FNBP1L: variants seen among roughly 807,000 people sequenced by gnomAD.
FNBP1L encodes formin-binding protein 1-like.
FNBP1L carries 36 observed loss-of-function variants against 91.2 expected under a neutral mutation model. The observed-to-expected ratio is 0.39, with a 90% CI of 0.30 to 0.52. The LOEUF (loss-of-function observed/expected upper bound fraction) is 0.52, where lower values mean the gene tolerates loss of function less well. Ranked by LOEUF, FNBP1L falls within the 20% of genes least tolerant of loss-of-function variation. The pLI is 0.66. For missense variants in FNBP1L, 571 were observed against 732.1 expected, an observed-to-expected ratio of 0.78 and a Z score of 2.54; for synonymous variants, 242 against 237.0, an observed-to-expected ratio of 1.02 and a Z score of -0.19.
At chr1:93,542,776 CTTTT>C (rs34922906) in intron 11 of FNBP1L, among the ~76,000 whole-genome samples, 12 of 125,588 alleles carry the variant, frequency 9.6e-5, no homozygotes, top group African/African-American at 3.4e-4. Context: ...TTTTCTTTAC[CTTTT>C]TTTTTTTTTT....
At chr1:93,496,417 T>C (rs1206550172) in intron 1 of FNBP1L, among the ~76,000 whole-genome samples, 1 of 151,974 alleles carries the variant, frequency 6.6e-6, no homozygotes, top group Non-Finnish European at 1.5e-5. Context: ...TATTAATATT[T>C]ATTTTTGAGA....
At chr1:93,547,876 T>C (rs1672292317) in intron 14 of FNBP1L, among the ~76,000 whole-genome samples, 1 of 152,184 alleles carries the variant, frequency 6.6e-6, no homozygotes. Flanking sequence ...TCTGTACCAC[T>C]TGTGACATTT....
intron 7 of FNBP1L, among the ~76,000 whole-genome samples, chr1:93,532,368 G>A (rs547479079): frequency 1.1e-3 from 167 of 151,448 alleles, no homozygotes; most frequent in Admixed American, 3.7e-3. Flanking sequence ...TTGAGAGACC[G>A]AGGCAGGAGA....
chr1:93,529,303 G>A (rs897382383), intron 5 of FNBP1L, among the ~76,000 whole-genome samples: 1 of 151,918 alleles, frequency 6.6e-6, no homozygotes, highest in African/African-American at 2.4e-5. Context: ...TGTAATTAAT[G>A]TCTGATATTT....
intron 1 of FNBP1L, among the ~76,000 whole-genome samples, chr1:93,498,524 A>G (rs1256425126): frequency 6.6e-6 from 1 of 152,204 alleles, no homozygotes; most frequent in Non-Finnish European, 1.5e-5. Context: ...AAAAGGCAAA[A>G]GGAGATAATT....
intron 2 of FNBP1L, among the ~76,000 whole-genome samples, chr1:93,502,369 TCA>T (rs1406085644): frequency 6.6e-6 from 1 of 152,098 alleles, no homozygotes. Context: ...GAGATTCCTA[TCA>T]CAAATTATAA....
chr1:93,536,267 A>T, intron 9 of FNBP1L, 65 bp from the exon 10 acceptor site: 1 of 1,197,206 alleles, frequency 8.4e-7, no homozygotes, highest in African/African-American at 1.6e-5. Context: ...CAAAAATAGA[A>T]TTTTCATTTA....
intron 3 of FNBP1L, among the ~76,000 whole-genome samples, chr1:93,522,678 A>T (rs888475458): frequency 2.0e-5 from 3 of 152,200 alleles, no homozygotes; most frequent in Admixed American, 2.0e-4. Flanking sequence ...GTCAGTTGTT[A>T]GGATTCTCAG....
intron 2 of FNBP1L, among the ~76,000 whole-genome samples, chr1:93,521,829 T>A (rs1302429206): frequency 6.6e-6 from 1 of 152,194 alleles, no homozygotes; most frequent in Non-Finnish European, 1.5e-5. Context: ...GATAGTAACA[T>A]CAACCAAATT....
intron 1 of FNBP1L, among the ~76,000 whole-genome samples, chr1:93,495,031 G>A (rs1670217741): frequency 6.6e-6 from 1 of 152,160 alleles, no homozygotes; most frequent in Non-Finnish European, 1.5e-5. Context: ...TACAATTTGA[G>A]GTGAGATTTG....
chr1:93,480,444 T>G (rs998059481), intron 1 of FNBP1L, among the ~76,000 whole-genome samples: 19 of 152,286 alleles, frequency 1.2e-4, no homozygotes, highest in Middle Eastern at 3.4e-3. Flanking sequence ...ATAGGGTTGT[T>G]GTGGGTGAAG....
intron 2 of FNBP1L, among the ~76,000 whole-genome samples, chr1:93,513,559 A>G (rs1283402732): frequency 6.6e-6 from 1 of 150,428 alleles, no homozygotes; most frequent in Non-Finnish European, 1.5e-5. Context: ...CACATCAAAA[A>G]GCTTATCCAC....
Position 93,549,260 on chromosome 1 carries a change from T to C in FNBP1L, c.1503-18T>C. On this transcript the variant is annotated intron_variant, in intron 14 of 16. Transcript: ENST00000271234. The stretch of plus-strand genomic sequence containing the variant: ...CATGTTTATGATACTTGATCAGAGA[T>C]AATTTTTTGTTTTATAGTCCTGAGG... The C allele has an allele frequency of 3.1e-6, 5 of 1,590,198 alleles. No individual in the cohort carries two copies. Among genetic ancestry groups the C allele is most frequent in the Non-Finnish European group, 4.3e-6 (5 of 1,171,198 alleles).
intron 11 of FNBP1L, among the ~76,000 whole-genome samples, chr1:93,543,333 A>G (rs1164797505): frequency 6.6e-6 from 1 of 152,160 alleles, no homozygotes; most frequent in Non-Finnish European, 1.5e-5. Flanking sequence ...CTTAAATTGC[A>G]TAGTTTTTTG....
intron 1 of FNBP1L, among the ~76,000 whole-genome samples, chr1:93,462,454 G>A (rs952321929): frequency 2.6e-5 from 4 of 151,848 alleles, no homozygotes; most frequent in African/African-American, 7.3e-5. Flanking sequence ...TTAACTAAAG[G>A]CCACAGTTTA....
chr1:93,533,388 A>G (rs79285938), intron 8 of FNBP1L, among the ~76,000 whole-genome samples: 182 of 152,324 alleles, frequency 1.2e-3, no homozygotes, highest in African/African-American at 4.3e-3. Context: ...GTGAAAATTT[A>G]GAGAAGTATG....
At chr1:93,550,894 TTA>T (rs1491248303) in intron 15 of FNBP1L, 51 bp from the exon 16 acceptor site, 3 of 1,448,988 alleles carry the variant, frequency 2.1e-6, no homozygotes, top group Non-Finnish European at 2.7e-6. Flanking sequence ...ATTAGTAACT[TTA>T]AAAAAAATTA....
chr1:93,448,447 C>G (rs1233775015), intron 1 of FNBP1L, 142 bp downstream of exon 1: 2 of 930,146 alleles, frequency 2.2e-6, no homozygotes, highest in Non-Finnish European at 3.1e-6. Flanking sequence ...TCCCGCTCGT[C>G]TTTGTGTGCA....
chr1:93,448,568 C>T (rs1447624713), intron 1 of FNBP1L, among the ~76,000 whole-genome samples: 1 of 152,138 alleles, frequency 6.6e-6, no homozygotes, highest in Non-Finnish European at 1.5e-5. Context: ...GGGAGCAGCC[C>T]GCGGGCTCCT....
Sources: gnomAD v4.1 joint callset for allele counts (sites outside exome capture counted in the v4.1 genomes callset) on GRCh38, gnomAD v4.1.1 for gene constraint, MANE v1.5 for transcripts, NCBI Gene and HGNC (gene_info 2026-07-23, HGNC 2026-07-21) for gene names.